Variants in RALGAPA2 observed in about 807,000 individuals in gnomAD.
RALGAPA2 encodes Ral GTPase activating protein catalytic subunit alpha 2, also known as ral GTPase-activating protein subunit alpha-2.
A neutral mutation model predicts 230.4 loss-of-function variants in RALGAPA2; 139 were observed. The ratio of observed to expected loss-of-function variants is 0.60; its 90% CI spans 0.53 to 0.69. The LOEUF (loss-of-function observed/expected upper bound fraction) is 0.69, where lower values mean the gene tolerates loss of function less well. Among genes scored for constraint, RALGAPA2 ranks in the 30% least tolerant of loss-of-function variants. The pLI, the probability that RALGAPA2 is intolerant of heterozygous loss-of-function variation, is 0.00. For synonymous variants in RALGAPA2, 847 were observed against 837.8 expected (o/e 1.01, Z -0.19); for missense variants, 2,163 against 2,276.0 (o/e 0.95, Z 1.01).
intron 38 of RALGAPA2, among the ~76,000 whole-genome samples, chr20:20,404,665 T>C (rs1474750301): frequency 1.3e-5 from 2 of 152,182 alleles, no homozygotes; most frequent in South Asian, 2.1e-4. Context: ...TTTCCAAAAA[T>C]TGTCTCTGAG....
Position 20,640,760 on chromosome 20 carries a change from G to A in RALGAPA2, c.491C>T (p.Ser164Leu), listed in dbSNP as rs779126195. 11 of 1,613,828 alleles carry A rather than the reference G, an allele frequency of 6.8e-6. No individual in the cohort carries two copies. Among genetic ancestry groups the A allele is most frequent in the Non-Finnish European group, 9.3e-6 (11 of 1,179,840 alleles). The change falls in exon 6 of 40, where the codon TCA becomes TTA. Residue 164 changes from serine (S) to leucine (L), a missense_variant. Coordinates refer to ENST00000202677, the MANE Select transcript of RALGAPA2 (RefSeq NM_020343.4). ...CTCCAGTGTGCAAGGGCCCCTGGATGACATGACTGCTGGGAAACCAGGCAC... is the reference window on the plus strand; with the variant it reads ...CTCCAGTGTGCAAGGGCCCCTGGATAACATGACTGCTGGGAAACCAGGCAC... ...CLVPGFPAVM[S>L]SRGPCTLETL...
intron 1 of RALGAPA2, among the ~76,000 whole-genome samples, chr20:20,703,384 TTTTAAC>T (rs1216899795): frequency 2.6e-5 from 4 of 152,212 alleles, no homozygotes; most frequent in Non-Finnish European, 4.4e-5. Flanking sequence ...AAAATTCCTA[TTTTAAC>T]TTTATCAAAT....
At position 20,522,326 on chromosome 20, in the gene RALGAPA2, G is replaced by A. The variant is rs989129498; in HGVS notation, c.3901-1226C>T. 5.9e-5 allele frequency among the ~76,000 whole-genome samples: 9 copies of A among 151,410 alleles called. No individual in the cohort carries two copies. In the South Asian group the frequency reaches 1.5e-3, roughly 25 times the overall value. On this transcript the variant is annotated intron_variant, in intron 30 of 39. Coordinates refer to ENST00000202677, the MANE Select transcript of RALGAPA2 (RefSeq NM_020343.4). ...TAAACTATCCAAATGTCTATGAACGGTAAAATGTATAAATACATTGTGGTT... is the reference window on the plus strand; with the variant it reads ...TAAACTATCCAAATGTCTATGAACGATAAAATGTATAAATACATTGTGGTT...
intron 10 of RALGAPA2, among the ~76,000 whole-genome samples, chr20:20,626,752 CA>C (rs1417082273): frequency 2.0e-5 from 3 of 152,194 alleles, no homozygotes; most frequent in Non-Finnish European, 4.4e-5. Context: ...TCAGAGTCAG[CA>C]AACCATCCAG....
chr20:20,613,506 G>A (rs1375681313), intron 13 of RALGAPA2, among the ~76,000 whole-genome samples: 1 of 152,178 alleles, frequency 6.6e-6, no homozygotes, highest in East Asian at 1.9e-4. Flanking sequence ...CCTTTCAGAA[G>A]CATAAATTAT....
At chr20:20,438,304 G>A (rs143962958) in intron 37 of RALGAPA2, among the ~76,000 whole-genome samples, 1 of 152,174 alleles carries the variant, frequency 6.6e-6, no homozygotes, top group Non-Finnish European at 1.5e-5. Context: ...TACTACTAGA[G>A]CTTGGTATTT....
At chr20:20,471,360 CA>C (rs2061536249) in intron 37 of RALGAPA2, 1 of 145,452 alleles carries the variant, frequency 6.9e-6, no homozygotes, top group South Asian at 2.1e-4. Flanking sequence ...GGTGACATGA[CA>C]AAAGTCACAA....
Position 20,706,198 on chromosome 20 carries a change from C to T in RALGAPA2, c.106+6177G>A, listed in dbSNP as rs573910107. Reference sequence around the variant, plus strand: ...GCCAACCTTTTTCAGTTATCTTAAACGAGTTTGGACATTTACCCTGTGTTC... The same window carrying T: ...GCCAACCTTTTTCAGTTATCTTAAATGAGTTTGGACATTTACCCTGTGTTC... On this transcript the variant is annotated intron_variant, in intron 1 of 39. Transcript: ENST00000202677. 3.3e-5 allele frequency among the ~76,000 whole-genome samples: 5 copies of T among 152,276 alleles called. No individual in the cohort carries two copies. The South Asian group carries it at 6.2e-4, about 19-fold the overall frequency.
rs188540938 is a variant in RALGAPA2 at position 20,672,529 on chromosome 20, T to A, written c.270+3707A>T. On this transcript the variant is annotated intron_variant, in intron 3 of 39. Transcript: ENST00000202677. ...AAAAACATGAAAAAAATCATTGAAA[T>A]GTACAGCTCAATAGATTGGTAAAGT... Among the ~76,000 whole-genome samples, 89 of 152,070 alleles carry A rather than the reference T, an allele frequency of 5.9e-4. No individual in the cohort carries two copies. In the East Asian group the frequency reaches 0.017, roughly 29 times the overall value.
At chr20:20,572,001 G>A in intron 21 of RALGAPA2, 55 bp from the exon 22 acceptor site, 1 of 1,222,722 alleles carries the variant, frequency 8.2e-7, no homozygotes, top group Non-Finnish European at 1.2e-6. Context: ...TATCCCAACA[G>A]TATTTCAACA....
At chr20:20,395,412 C>T (rs1392349903) in intron 39 of RALGAPA2, among the ~76,000 whole-genome samples, 1 of 152,240 alleles carries the variant, frequency 6.6e-6, no homozygotes, top group East Asian at 1.9e-4. Flanking sequence ...CTGCCTCCTC[C>T]CGGTGATGGA....
chr20:20,586,964 T>G (rs1288327100), intron 18 of RALGAPA2, among the ~76,000 whole-genome samples: 2 of 151,798 alleles, frequency 1.3e-5, no homozygotes, highest in African/African-American at 4.8e-5. Context: ...ATGTAACAGG[T>G]GGAGATACCA....
At chr20:20,705,870 T>A (rs546003611) in intron 1 of RALGAPA2, among the ~76,000 whole-genome samples, 6 of 152,336 alleles carry the variant, frequency 3.9e-5, no homozygotes, top group African/African-American at 1.4e-4. Context: ...TGTTTCACCA[T>A]GTTGGCCAGG....
In RALGAPA2 at chr20:20,620,732, C is replaced by T. The variant is rs912747403; in HGVS notation, c.1234-102G>A. 6.8e-5 allele frequency: 68 copies of T among 1,002,210 alleles called. No individual in the cohort carries two copies. In the South Asian group the frequency reaches 1.2e-3, roughly 17 times the overall value. 62.1% of individuals were successfully genotyped at this position (1,002,210 alleles called of 1,614,324 possible). A position where few individuals can be genotyped will look rare whatever the true frequency, so the allele number is the denominator to read the frequency against. Reference sequence around the variant, plus strand: ...AATGAGCATCACCCATTTCACTTTCCTTGGAACACACAGCTTATAAATATA... The same window carrying T: ...AATGAGCATCACCCATTTCACTTTCTTTGGAACACACAGCTTATAAATATA... On this transcript the variant is annotated intron_variant, in intron 10 of 39. Transcript: ENST00000202677.
chr20:20,622,293 A>G (rs2066348931), intron 10 of RALGAPA2, among the ~76,000 whole-genome samples: 1 of 152,224 alleles, frequency 6.6e-6, no homozygotes, highest in Admixed American at 6.5e-5. Flanking sequence ...AGATGGGGGA[A>G]AGAAACAATA....
chr20:20,573,529 C>T (rs775253464), intron 20 of RALGAPA2, among the ~76,000 whole-genome samples: 13 of 152,208 alleles, frequency 8.5e-5, no homozygotes, highest in South Asian at 2.1e-4. Context: ...GTTCATGCAA[C>T]TGTTGCCATA....
intron 38 of RALGAPA2, among the ~76,000 whole-genome samples, chr20:20,403,367 A>G (rs573609077): frequency 6.6e-6 from 1 of 152,276 alleles, no homozygotes; most frequent in East Asian, 1.9e-4. Context: ...GTTCGCATCT[A>G]CTTAAATTGT....
intron 9 of RALGAPA2, among the ~76,000 whole-genome samples, chr20:20,632,088 G>C (rs1477330567): frequency 6.6e-6 from 1 of 150,732 alleles, no homozygotes; most frequent in Non-Finnish European, 1.5e-5. Context: ...GCAGTGGCTC[G>C]ATCTCCGCTC....
intron 23 of RALGAPA2, 28 bp downstream of exon 23, chr20:20,571,430 C>T: frequency 6.3e-7 from 1 of 1,579,356 alleles, no homozygotes; most frequent in Non-Finnish European, 8.6e-7. Flanking sequence ...AATTAATGGG[C>T]AATCACAATA....
Sources: gnomAD v4.1 joint callset for allele counts (sites outside exome capture counted in the v4.1 genomes callset) on GRCh38, gnomAD v4.1.1 for gene constraint, MANE v1.5 for transcripts, NCBI Gene and HGNC (gene_info 2026-07-23, HGNC 2026-07-21) for gene names.